Variants in TRIM10 observed in about 807,000 individuals in gnomAD.
TRIM10 encodes tripartite motif-containing protein 10.
A neutral mutation model predicts 40.0 loss-of-function variants in TRIM10; 42 were observed. The ratio of observed to expected loss-of-function variants is 1.05; its 90% CI spans 0.82 to 1.36. TRIM10 has a LOEUF of 1.36. TRIM10 is among the 40% of genes most tolerant of loss of function. The probability of loss-of-function intolerance (pLI) is 0.00; values close to 1 mark genes in which losing one functional copy is unlikely to be tolerated. For synonymous variants in TRIM10, 260 were observed against 239.5 expected (o/e 1.09, Z -0.79); for missense variants, 601 against 608.3 (o/e 0.99, Z 0.13).
At chr6:30,155,821 T>G (rs142556750) in intron 5 of TRIM10, 62 bp from the exon 6 acceptor site, 2 of 1,546,870 alleles carry the variant, frequency 1.3e-6, no homozygotes, top group Non-Finnish European at 1.8e-6. Context: ...AGACACTTAA[T>G]GATGAGAAAA....
chr6:30,157,649 C>T (rs1022077292), intron 3 of TRIM10, among the ~76,000 whole-genome samples: 20 of 129,756 alleles, frequency 1.5e-4, no homozygotes, highest in African/African-American at 5.0e-4. Flanking sequence ...CCATGCCTGG[C>T]TAATTTTCTT....
In TRIM10 at chr6:30,153,893, G is replaced by T; in HGVS notation, c.*76C>A. ...TATTCCAAGTCATCCAGGTGATTCA[G>T]CCAGGGATCAAGTCCACATGGTACT... On this transcript the variant is annotated 3_prime_UTR_variant, in exon 7 of 7. Coordinates refer to ENST00000449742, the MANE Select transcript of TRIM10 (RefSeq NM_006778.4). 1.9e-6 allele frequency: 3 copies of T among 1,586,834 alleles called. No individual in the cohort carries two copies. The highest frequency in any genetic ancestry group is 1.7e-5 in the Admixed American group (1 of 58,596).
rs1772172593 is a variant in TRIM10 at position 30,153,184 on chromosome 6, C to A, written c.*785G>T. The A allele has an allele frequency of 6.4e-6, 1 of 156,656 alleles. No individual in the cohort carries two copies. The highest frequency in any genetic ancestry group is 1.4e-5 in the Non-Finnish European group (1 of 70,544). The allele number at this position is 156,656 out of a possible 1,614,324, so 9.7% of individuals were successfully genotyped here. The stretch of plus-strand genomic sequence containing the variant: ...TGCCCATAATGACAATGGAGACAAC[C>A]CAGTGCTCCAGAGTCACAGGTCATC... On this transcript the variant is annotated 3_prime_UTR_variant, in exon 7 of 7. Transcript: ENST00000449742.
At position 30,153,608 on chromosome 6, in the gene TRIM10, T is replaced by C. The variant is rs186211413; in HGVS notation, c.*361A>G. ...GAAAACAAGATGAAAAGAGGTGAGA[T>C]GCCTTGTTTAAAGTCATACAACTGG... On this transcript the variant is annotated 3_prime_UTR_variant, in exon 7 of 7. Transcript: ENST00000449742. 0.012 allele frequency: 14,260 copies of C among 1,151,646 alleles called. 818 individuals are homozygous for C. In the South Asian group the frequency reaches 0.12, roughly 10 times the overall value. 71.3% of individuals were successfully genotyped at this position (1,151,646 alleles called of 1,614,324 possible). A position where few individuals can be genotyped will look rare whatever the true frequency, so the allele number is the denominator to read the frequency against.
chr6:30,153,917 C>T lies in TRIM10; in HGVS notation c.*52G>A, dbSNP rs898901220. The T allele has an allele frequency of 9.5e-6, 15 of 1,579,534 alleles. No homozygotes were observed. The highest frequency in any genetic ancestry group is 1.3e-5 in the Non-Finnish European group (15 of 1,160,648). On this transcript the variant is annotated 3_prime_UTR_variant, in exon 7 of 7. Transcript: ENST00000449742. ...AGCCAGGGATCAAGTCCACATGGTA[C>T]TTGGGTTGATATGAGTCCTGTACTT...
rs989302508 is a variant in TRIM10 at position 30,159,118 on chromosome 6, G to A, written c.525+32C>T. ...AGGAAGACACTGGACCCTGAGGAAGGGGAGGAACCTGGGGAAGGGGTGATG... is the reference window on the plus strand; with the variant it reads ...AGGAAGACACTGGACCCTGAGGAAGAGGAGGAACCTGGGGAAGGGGTGATG... On this transcript the variant is annotated intron_variant, in intron 2 of 6. Coordinates refer to ENST00000449742, the MANE Select transcript of TRIM10 (RefSeq NM_006778.4). 3.5e-6 allele frequency: 5 copies of A among 1,447,896 alleles called. No homozygotes were observed. The African/African-American group carries it at 7.0e-5, about 20-fold the overall frequency. The allele number at this position is 1,447,896 out of a possible 1,614,324, so 89.7% of individuals were successfully genotyped here. A position where few individuals can be genotyped will look rare whatever the true frequency, so the allele number is the denominator to read the frequency against.
chr6:30,163,904 C>A, upstream of TRIM10: 2 of 1,613,086 alleles, frequency 1.2e-6, no homozygotes, highest in Non-Finnish European at 1.7e-6. Context: ...GGCCCCTGTG[C>A]CCCTGGGCCC....
chr6:30,160,809 G>C lies in TRIM10; in HGVS notation c.50C>G (p.Pro17Arg). 6.2e-7 allele frequency: 1 copy of C among 1,613,730 alleles called. No homozygotes were observed. The highest frequency in any genetic ancestry group is 8.5e-7 in the Non-Finnish European group (1 of 1,179,988). ...CTCCCTCAGGGTACCCTGACAGATG[G>C]GGCAGTTGACTTCATCTGCCAGGCT... is the stretch of plus-strand genomic sequence containing the variant. ...VTSLADEVNC[P>R]ICQGTLREPV... Residue 17 changes from proline to arginine, a missense_variant, in exon 1 of 7, where the codon CCC (proline) becomes CGC (arginine). Transcript: ENST00000449742.
Position 30,160,495 on chromosome 6 carries a change from G to T in TRIM10, c.364C>A (p.Arg122=). 1.2e-6 allele frequency: 2 copies of T among 1,614,094 alleles called. No individual in the cohort carries two copies. Among genetic ancestry groups the T allele is most frequent in the Non-Finnish European group, 1.7e-6 (2 of 1,180,014 alleles). ...TGGGTAGCGTGCTCCCCAGCCTCCC[G>T]GCACACCACGCACAACTGCATCTCA... The part of the protein sequence containing the change: ...DDEMQLCVVC[R]EAGEHATHTM... Residue 122 remains arginine, a synonymous_variant, in exon 1 of 7, where the codon CGG becomes AGG. Coordinates refer to ENST00000449742, the MANE Select transcript of TRIM10 (RefSeq NM_006778.4).
chr6:30,162,192 T>C (rs949665252), upstream of TRIM10, among the ~76,000 whole-genome samples: 3 of 147,270 alleles, frequency 2.0e-5, no homozygotes, highest in Non-Finnish European at 3.0e-5. Flanking sequence ...AGGAGAATGG[T>C]GTGAACCCGG....
rs1772607265 is a variant in TRIM10, at chr6:30,157,037, CA to C, written c.796del (p.Cys266AlafsTer29). ...STLIRCETRK[C>X]RKPVAVSPEL... ...TGGCGACACAGCCACCGGTTTCCGGCACTTTCTGGTTTCACATCTAGGGGCA... is the reference window on the plus strand; with the variant it reads ...TGGCGACACAGCCACCGGTTTCCGGCCTTTCTGGTTTCACATCTAGGGGCA... On this transcript the variant is annotated frameshift_variant, in exon 5 of 7. Coordinates refer to ENST00000449742, the MANE Select transcript of TRIM10 (RefSeq NM_006778.4). LOFTEE classifies it high-confidence loss of function. The C allele has an allele frequency of 4.3e-6, 7 of 1,612,954 alleles. No homozygotes were observed. Among genetic ancestry groups the C allele is most frequent in the Non-Finnish European group, 5.9e-6 (7 of 1,180,032 alleles).
intron 3 of TRIM10, 92 bp downstream of exon 3, chr6:30,158,307 T>C: frequency 4.8e-6 from 5 of 1,050,910 alleles, no homozygotes; most frequent in Non-Finnish European, 7.4e-6. Context: ...GATACAGAGA[T>C]GTGTGAGTCA....
intron 3 of TRIM10, among the ~76,000 whole-genome samples, chr6:30,157,708 C>T (rs1002298322): frequency 1.5e-5 from 2 of 137,270 alleles, no homozygotes; most frequent in African/African-American, 5.5e-5. Context: ...TTATGTTGCC[C>T]AGGCTCCTCC....
At chr6:30,162,651 T>G (rs1177936011), upstream of TRIM10, among the ~76,000 whole-genome samples, 1 of 152,166 alleles carries the variant, frequency 6.6e-6, no homozygotes, top group Non-Finnish European at 1.5e-5. Context: ...AGCGTAGGGC[T>G]TTAAGCCAGG....
In TRIM10 at chr6:30,159,242, G is replaced by C. The variant is rs1226020358; in HGVS notation, c.433C>G (p.Gln145Glu). The stretch of plus-strand genomic sequence containing the variant: ...AGACATTTAAGACACTTATGGATTT[G>C]TTCCTGGGGAGAAGGAACATAAAAT... Reference protein sequence around the residue: ...LEDAAAPYREQIHKCLKCLRK... With the variant: ...LEDAAAPYREEIHKCLKCLRK... Residue 145 changes from glutamine (Q) to glutamate (E), a missense_variant, in exon 2 of 7, where the codon CAA becomes GAA. By Grantham distance (29) the Gln-to-Glu change is conservative. Transcript: ENST00000449742. The C allele has an allele frequency of 1.1e-5, 17 of 1,598,318 alleles. No homozygotes were observed. The highest frequency in any genetic ancestry group is 1.4e-5 in the Non-Finnish European group (16 of 1,166,930).
intron 2 of TRIM10, 86 bp downstream of exon 2, chr6:30,159,064 A>T (rs1401039608): frequency 1.2e-6 from 1 of 863,152 alleles, no homozygotes; most frequent in Non-Finnish European, 1.9e-6. Flanking sequence ...ATAACTTCAA[A>T]GCCCTATAAT....
intron 3 of TRIM10, among the ~76,000 whole-genome samples, chr6:30,157,741 G>T (rs1772697179): frequency 7.5e-6 from 1 of 133,392 alleles, no homozygotes; most frequent in Admixed American, 9.0e-5. Context: ...GACTGGAAAA[G>T]ACAAAATATA....
chr6:30,159,397 C>A, intron 1 of TRIM10, 152 bp from the exon 2 acceptor site: 1 of 614,654 alleles, frequency 1.6e-6, no homozygotes, highest in Non-Finnish European at 2.9e-6. Context: ...ACCCTGACAG[C>A]TTACTCCCTT....
chr6:30,158,736 C>T, intron 2 of TRIM10, 107 bp from the exon 3 acceptor site: 1 of 902,018 alleles, frequency 1.1e-6, no homozygotes, highest in Non-Finnish European at 1.8e-6. Context: ...TCATGGTTTC[C>T]TTTTCACTTG....
Sources: allele counts gnomAD v4.1 joint callset (sites outside exome capture counted in the v4.1 genomes callset), GRCh38; gene constraint gnomAD v4.1.1; transcripts MANE v1.5; gene names NCBI Gene and HGNC (gene_info 2026-07-23, HGNC 2026-07-21).